The following TEX29 variants were observed in gnomAD, a reference collection of about 807,000 sequenced individuals.
The protein encoded by TEX29 is testis-expressed protein 29.
In TEX29, 26 loss-of-function variants were observed where a neutral mutation model predicts 18.2. The ratio of observed to expected loss-of-function variants is 1.43; its 90% CI spans 1.04 to 1.98. The LOEUF is 1.98. Ranked by LOEUF, TEX29 falls within the 30% of genes most tolerant of loss-of-function variation. The pLI, the probability that TEX29 is intolerant of heterozygous loss-of-function variation, is 0.00. For synonymous variants in TEX29, 83 were observed against 78.5 expected, an observed-to-expected ratio of 1.06 and a Z score of -0.31; for missense variants, 177 against 194.2, an observed-to-expected ratio of 0.91 and a Z score of 0.53.
chr13:111,343,518 G>A (rs577572874), intron 5 of TEX29, among the ~76,000 whole-genome samples: 20 of 152,160 alleles, frequency 1.3e-4, no homozygotes, highest in Non-Finnish European at 2.6e-4. Flanking sequence ...TGCCTGCTTC[G>A]GTTTCCAGGA....
chr13:111,344,159 A>C lies in TEX29; in HGVS notation c.*36A>C. On this transcript the variant is annotated 3_prime_UTR_variant, in exon 6 of 6. Coordinates refer to ENST00000283547, the MANE Select transcript of TEX29 (RefSeq NM_152324.3). ...TGAAGAAGTGGAGATTGTCAGAATT[A>C]TCCAAATGAAATGGTACAGCAGGTG... 6.3e-7 allele frequency: 1 copy of C among 1,588,998 alleles called. No individual in the cohort carries two copies. The highest frequency in any genetic ancestry group is 8.6e-7 in the Non-Finnish European group (1 of 1,157,718).
chr13:111,331,074 A>G (rs1466447375), intron 3 of TEX29, among the ~76,000 whole-genome samples: 2 of 152,184 alleles, frequency 1.3e-5, no homozygotes, highest in Admixed American at 6.5e-5. Flanking sequence ...TAGGGGTGGA[A>G]TTGCTGGATC....
chr13:111,343,721 A>C (rs2093700382), intron 5 of TEX29, among the ~76,000 whole-genome samples: 1 of 152,184 alleles, frequency 6.6e-6, no homozygotes, highest in Admixed American at 6.5e-5. Context: ...TTGGCTTTAC[A>C]GGGACCATCA....
At chr13:111,334,830 C>T (rs2093687375) in intron 3 of TEX29, among the ~76,000 whole-genome samples, 1 of 152,202 alleles carries the variant, frequency 6.6e-6, no homozygotes, top group African/African-American at 2.4e-5. Context: ...CAAATAATGA[C>T]AACTCTCCGA....
At chr13:111,328,916 G>A (rs2093678527) in intron 3 of TEX29, among the ~76,000 whole-genome samples, 1 of 152,238 alleles carries the variant, frequency 6.6e-6, no homozygotes, top group Admixed American at 6.5e-5. Flanking sequence ...GGAGGGAGGC[G>A]CGCCCTTCAG....
Position 111,344,219 on chromosome 13 carries a change from G to A in TEX29, c.*96G>A. The A allele has an allele frequency of 3.9e-6, 4 of 1,025,548 alleles. No individual in the cohort carries two copies. The highest frequency in any genetic ancestry group is 2.9e-5 in the South Asian group (2 of 69,874). 63.5% of individuals were successfully genotyped at this position (1,025,548 alleles called of 1,614,324 possible). A position where few individuals can be genotyped will look rare whatever the true frequency, so the allele number is the denominator to read the frequency against. On this transcript the variant is annotated 3_prime_UTR_variant, in exon 6 of 6. Coordinates refer to ENST00000283547, the MANE Select transcript of TEX29 (RefSeq NM_152324.3). ...CAGTGTGATGGAATGACCACCCAAAGAGAAAAAAATAAAGGTATTTTGAAA... is the reference window on the plus strand; with the variant it reads ...CAGTGTGATGGAATGACCACCCAAAAAGAAAAAAATAAAGGTATTTTGAAA...
At chr13:111,329,097 G>A (rs2093678772) in intron 3 of TEX29, among the ~76,000 whole-genome samples, 1 of 152,194 alleles carries the variant, frequency 6.6e-6, no homozygotes, top group Non-Finnish European at 1.5e-5. Context: ...CCTCATCAAG[G>A]TCCACGTGAA....
At chr13:111,328,359 C>G in intron 3 of TEX29, 66 bp downstream of exon 3, 2 of 1,065,930 alleles carry the variant, frequency 1.9e-6, no homozygotes, top group Non-Finnish European at 1.5e-6. Flanking sequence ...CCGACCACTG[C>G]CCTGCCTGTC....
rs573184070 is a variant in TEX29, at chr13:111,325,393, G to T, written c.59-2790G>T. Among the ~76,000 whole-genome samples the T allele has an allele frequency of 1.2e-4, 19 of 152,200 alleles. No individual in the cohort carries two copies. The South Asian group carries it at 3.9e-3, about 32-fold the overall frequency. On this transcript the variant is annotated intron_variant, in intron 2 of 5. Transcript: ENST00000283547. ...GGAGATACCACTGCTGGTGCCAGTG[G>T]CCGGGAGTCCAGTACCTGTGCAGTG...
intron 3 of TEX29, 44 bp downstream of exon 3, chr13:111,328,337 C>A: frequency 7.1e-7 from 1 of 1,415,714 alleles, no homozygotes; most frequent in Non-Finnish European, 1.0e-6. Flanking sequence ...GCCGAGGTAG[C>A]TGGTGACCAT....
intron 3 of TEX29, among the ~76,000 whole-genome samples, chr13:111,336,512 C>A (rs933084028): frequency 1.3e-5 from 2 of 152,148 alleles, no homozygotes; most frequent in African/African-American, 4.8e-5. Flanking sequence ...TGGGAATTAG[C>A]ATTAGATCTT....
At chr13:111,323,543 G>A (rs1043377529) in intron 2 of TEX29, among the ~76,000 whole-genome samples, 1 of 152,258 alleles carries the variant, frequency 6.6e-6, no homozygotes, top group Admixed American at 6.5e-5. Context: ...TGAGTGGCTT[G>A]TATGAAAGAG....
rs117281748 is a variant in TEX29, at chr13:111,323,562, C to T, written c.58+2614C>T. On this transcript the variant is annotated intron_variant, in intron 2 of 5. Transcript: ENST00000283547. ...TGGCTTGTATGAAAGAGTGGGGACT[C>T]GAAGCCACTGCTTCTTCTCCACAGG... 4.2e-3 allele frequency among the ~76,000 whole-genome samples: 639 copies of T among 152,336 alleles called. 2 individuals carry two copies. The highest frequency in any genetic ancestry group is 6.7e-3 in the African/African-American group (278 of 41,574).
intron 2 of TEX29, 111 bp from the exon 3 acceptor site, chr13:111,328,072 C>T: frequency 7.6e-6 from 5 of 660,322 alleles, no homozygotes; most frequent in Non-Finnish European, 1.4e-5. Context: ...AATAACAAAA[C>T]CACAACACAA....
intron 4 of TEX29, among the ~76,000 whole-genome samples, chr13:111,341,971 A>G (rs999793465): frequency 6.6e-6 from 1 of 152,222 alleles, no homozygotes; most frequent in African/African-American, 2.4e-5. Context: ...CCTGAACCCA[A>G]GGCTGCCTGC....
upstream of TEX29, among the ~76,000 whole-genome samples, chr13:111,317,518 C>T (rs962708389): frequency 4.6e-5 from 7 of 152,150 alleles, no homozygotes; most frequent in South Asian, 2.1e-4. Context: ...CGTGCTCCTC[C>T]GGCCTTCGTG....
At position 111,342,742 on chromosome 13, in the gene TEX29, C is replaced by G; in HGVS notation, c.240-14C>G. Reference sequence around the variant, plus strand: ...GTAACTTCCCTGACTGTGATAAAACCCTCTTCCCATCAGAGTCATTCAGGA... The same window carrying G: ...GTAACTTCCCTGACTGTGATAAAACGCTCTTCCCATCAGAGTCATTCAGGA... On this transcript the variant is annotated splice_polypyrimidine_tract_variant and intron_variant, in intron 4 of 5. Transcript: ENST00000283547. The G allele has an allele frequency of 6.2e-7, 1 of 1,611,462 alleles. No individual in the cohort carries two copies. Among genetic ancestry groups the G allele is most frequent in the Non-Finnish European group, 8.5e-7 (1 of 1,178,290 alleles).
intron 5 of TEX29, among the ~76,000 whole-genome samples, chr13:111,343,832 C>T (rs1435499634): frequency 6.6e-6 from 1 of 152,112 alleles, no homozygotes; most frequent in African/African-American, 2.4e-5. Flanking sequence ...TGAGGCTTTC[C>T]TGCAGGACAG....
chr13:111,321,864 C>T (rs1255541347), intron 2 of TEX29, among the ~76,000 whole-genome samples: 1 of 152,216 alleles, frequency 6.6e-6, no homozygotes, highest in East Asian at 1.9e-4. Flanking sequence ...GCAGAGATTG[C>T]AGTGAGCTGA....
Sources: gnomAD v4.1 joint callset for allele counts (sites outside exome capture counted in the v4.1 genomes callset) on GRCh38, gnomAD v4.1.1 for gene constraint, MANE v1.5 for transcripts, NCBI Gene and HGNC (gene_info 2026-07-23, HGNC 2026-07-21) for gene names.